SIDT1: variants seen among roughly 807,000 people sequenced by gnomAD.
SIDT1 encodes SID1 transmembrane family, member 1.
In SIDT1, 101 loss-of-function variants were observed where a neutral mutation model predicts 107.5. The ratio of observed to expected loss-of-function variants is 0.94; its 90% confidence interval spans 0.80 to 1.11. The LOEUF (loss-of-function observed/expected upper bound fraction) is 1.11, where lower values mean the gene tolerates loss of function less well. Among genes scored for constraint, SIDT1 ranks in the 50% least tolerant of loss-of-function variants. The pLI is 0.00. For missense variants in SIDT1, 1,076 were observed against 1,058.2 expected (o/e 1.02, Z -0.23); for synonymous variants, 395 against 398.2 (o/e 0.99, Z 0.10).
At chr3:113,577,670 T>C (rs1293646653) in intron 4 of SIDT1, among the ~76,000 whole-genome samples, 1 of 152,254 alleles carries the variant, frequency 6.6e-6, no homozygotes, top group African/African-American at 2.4e-5. Context: ...AAACTCTATA[T>C]AATAGCATGT....
intron 12 of SIDT1, 145 bp downstream of exon 12, chr3:113,603,295 GACTAAA>G (rs1389832982): frequency 1.2e-6 from 1 of 840,894 alleles, no homozygotes; most frequent in East Asian, 2.7e-5. Context: ...TGTACCTACA[GACTAAA>G]AGCAATACTC....
In SIDT1 at chr3:113,555,141, C is replaced by T. The variant is rs147565311; in HGVS notation, c.223-11279C>T. Among the ~76,000 whole-genome samples the T allele has an allele frequency of 3.5e-3, 527 of 152,236 alleles. 5 individuals are homozygous for T. Among genetic ancestry groups the T allele is most frequent in the African/African-American group, 0.012 (514 of 41,536 alleles). On this transcript the variant is annotated intron_variant, in intron 1 of 24. Transcript: ENST00000264852. ...AATTCTTCAAATATGCTTCTCTCAC[C>T]GTCTCTCTTCTCCTTCCTTATGTCT... is the stretch of plus-strand genomic sequence containing the variant.
chr3:113,627,923 C>G lies in SIDT1; in HGVS notation c.*215C>G, dbSNP rs1946960224. The stretch of plus-strand genomic sequence containing the variant: ...CCATGTTTTGAGGACAGACGCAAAC[C>G]TGAGGAGCTGAGAAACACTTGCTCC... On this transcript the variant is annotated 3_prime_UTR_variant, in exon 25 of 25. Transcript: ENST00000264852. 5 of 568,836 alleles carry G rather than the reference C, an allele frequency of 8.8e-6. No homozygotes were observed. Among genetic ancestry groups the G allele is most frequent in the Non-Finnish European group, 1.6e-5 (5 of 317,908 alleles). 35.2% of individuals were successfully genotyped at this position (568,836 alleles called of 1,614,324 possible). A position where few individuals can be genotyped will look rare whatever the true frequency, so the allele number is the denominator to read the frequency against.
intron 9 of SIDT1, 76 bp from the exon 10 acceptor site, chr3:113,592,929 C>A: frequency 8.2e-7 from 1 of 1,223,192 alleles, no homozygotes; most frequent in Non-Finnish European, 1.2e-6. Flanking sequence ...AAATCCGCAA[C>A]AAAATCTATA....
At chr3:113,534,030 C>G (rs1040965250) in intron 1 of SIDT1, among the ~76,000 whole-genome samples, 3 of 152,134 alleles carry the variant, frequency 2.0e-5, no homozygotes, top group Non-Finnish European at 2.9e-5. Flanking sequence ...TTTCTTTCCT[C>G]TAGTGTGGTA....
chr3:113,633,115 C>G (rs1019882495), downstream of SIDT1: 1 of 152,094 alleles, frequency 6.6e-6, no homozygotes, highest in East Asian at 1.9e-4. Context: ...CTGAATTCCT[C>G]GAGAGCATAT....
Position 113,612,161 on chromosome 3 carries a change from A to G in SIDT1, c.1933A>G (p.Thr645Ala). 1 of 1,614,004 alleles carries G rather than the reference A, an allele frequency of 6.2e-7. No individual in the cohort carries two copies. Among genetic ancestry groups the G allele is most frequent in the South Asian group, 1.1e-5 (1 of 91,074 alleles). ...CGTTCTGGCCTCGCTAGCCCTCAGC[A>G]CCCAGATATATTATATGGGTCGTTT... ...IHVLASLALS[T>A]QIYYMGRFKI... is the part of the protein sequence containing the mutation. The change falls in exon 19 of 25, where the codon ACC becomes GCC. Residue 645 changes from threonine (T) to alanine (A), a missense_variant. Transcript: ENST00000264852.
chr3:113,623,335 C>T lies in SIDT1; in HGVS notation c.2091-92C>T, dbSNP rs1401017971. The T allele has an allele frequency of 7.1e-6, 5 of 707,822 alleles. No individual in the cohort carries two copies. In the Admixed American group the frequency reaches 1.3e-4, roughly 18 times the overall value. The allele number at this position is 707,822 out of a possible 1,614,324, so 43.8% of individuals were successfully genotyped here. A position where few individuals can be genotyped will look rare whatever the true frequency, so the allele number is the denominator to read the frequency against. The stretch of plus-strand genomic sequence containing the variant: ...AAGTTAAAAAAAAAAAAAGAACCTG[C>T]CCCTTCCCCCTCAAGGGACTGGGGG... On this transcript the variant is annotated intron_variant, in intron 21 of 24. Transcript: ENST00000264852.
rs758615128 is a variant in SIDT1, at chr3:113,576,979, G to T, written c.561+12G>T. 4 of 1,613,638 alleles carry T rather than the reference G, an allele frequency of 2.5e-6. No homozygotes were observed. The highest frequency in any genetic ancestry group is 3.4e-6 in the Non-Finnish European group (4 of 1,179,550). ...CCTCTCAACCTCAGGTAAGTGAAGG[G>T]GTTCCAAGAGTTATCAACATCCTAC... On this transcript the variant is annotated intron_variant, in intron 4 of 24. Coordinates refer to ENST00000264852, the MANE Select transcript of SIDT1 (RefSeq NM_017699.3).
intron 9 of SIDT1, chr3:113,588,936 A>G (rs1042362253): frequency 1.3e-5 from 2 of 152,128 alleles, no homozygotes; most frequent in African/African-American, 4.8e-5. Flanking sequence ...GGTGGGTGTG[A>G]TGAGAGAGTG....
chr3:113,572,036 G>A (rs73854520), intron 3 of SIDT1, among the ~76,000 whole-genome samples: 1,845 of 152,310 alleles, frequency 0.012, 31 homozygotes, highest in African/African-American at 0.042. Flanking sequence ...TTAGAAGGCT[G>A]ATGCAGTAGT....
intron 1 of SIDT1, among the ~76,000 whole-genome samples, chr3:113,535,844 G>A (rs777632169): frequency 1.1e-4 from 17 of 152,160 alleles, no homozygotes; most frequent in Non-Finnish European, 1.6e-4. Context: ...CTACCAGCCA[G>A]TATTCCTGTT....
chr3:113,542,933 TGTG>T (rs770745650), intron 1 of SIDT1, among the ~76,000 whole-genome samples: 6 of 150,192 alleles, frequency 4.0e-5, no homozygotes, highest in African/African-American at 1.5e-4. Flanking sequence ...TGTGTGTGTG[TGTG>T]TGTTTGTTTG....
chr3:113,542,075 C>T (rs977717965), intron 1 of SIDT1, among the ~76,000 whole-genome samples: 47 of 151,984 alleles, frequency 3.1e-4, no homozygotes, highest in Middle Eastern at 3.4e-3. Flanking sequence ...AGGTGCGTGC[C>T]ACCACGCCCA....
Position 113,580,526 on chromosome 3 carries a change from G to A in SIDT1, c.562-82G>A, listed in dbSNP as rs537642660. 173 of 805,024 alleles carry A rather than the reference G, an allele frequency of 2.1e-4. 1 individual carries two copies. The highest frequency in any genetic ancestry group is 9.5e-4 in the South Asian group (65 of 68,354). 49.9% of individuals were successfully genotyped at this position (805,024 alleles called of 1,614,324 possible). The stretch of plus-strand genomic sequence containing the variant: ...TTAATGGAGATTCACGGAGATTTAC[G>A]TATAAATTTTGTGCCTAATAGTAGA... On this transcript the variant is annotated intron_variant, in intron 4 of 24. Coordinates refer to ENST00000264852, the MANE Select transcript of SIDT1 (RefSeq NM_017699.3).
rs1306362586 is a variant in SIDT1 at position 113,581,451 on chromosome 3, C to T, written c.747+7C>T. 2 of 1,609,010 alleles carry T rather than the reference C, an allele frequency of 1.2e-6. No individual in the cohort carries two copies. The highest frequency in any genetic ancestry group is 3.3e-5 in the Admixed American group (2 of 60,016). On this transcript the variant is annotated splice_region_variant and intron_variant, in intron 6 of 24. Transcript: ENST00000264852. ...AGCTGCCATCACGCTACAGGTGAGGCATTGCTTCTGTGGGCATTATTGCCA... is the reference window on the plus strand; with the variant it reads ...AGCTGCCATCACGCTACAGGTGAGGTATTGCTTCTGTGGGCATTATTGCCA...
intron 1 of SIDT1, among the ~76,000 whole-genome samples, chr3:113,541,876 C>G (rs1938918387): frequency 6.6e-6 from 1 of 150,396 alleles, no homozygotes; most frequent in Non-Finnish European, 1.5e-5. Flanking sequence ...CTTTAAAATC[C>G]AGTAGTTTTA....
intron 24 of SIDT1, among the ~76,000 whole-genome samples, chr3:113,626,897 C>T (rs755784435): frequency 3.9e-5 from 6 of 152,164 alleles, no homozygotes; most frequent in Non-Finnish European, 5.9e-5. Context: ...CTACTAGATG[C>T]CCGGGCTCCA....
intron 1 of SIDT1, among the ~76,000 whole-genome samples, chr3:113,544,379 CT>C (rs1463879359): frequency 6.6e-6 from 1 of 152,100 alleles, no homozygotes; most frequent in African/African-American, 2.4e-5. Flanking sequence ...TTAGTAGAGA[CT>C]GGGGTTTCAC....
Sources: gnomAD v4.1 joint callset for allele counts (sites outside exome capture counted in the v4.1 genomes callset) on GRCh38, gnomAD v4.1.1 for gene constraint, MANE v1.5 for transcripts, NCBI Gene and HGNC (gene_info 2026-07-23, HGNC 2026-07-21) for gene names.